The following LAMA2 variants were observed in gnomAD, a reference collection of about 807,000 sequenced individuals.
The protein encoded by LAMA2 is laminin subunit alpha-2.
LAMA2 carries 269 observed loss-of-function variants against 364.8 expected under a neutral mutation model. That is an observed-to-expected ratio of 0.74 (90% CI 0.67 to 0.82). The LOEUF is 0.82. Among genes scored for constraint, LAMA2 ranks in the 40% least tolerant of loss-of-function variants. The pLI, the probability that LAMA2 is intolerant of heterozygous loss-of-function variation, is 0.00. For synonymous variants in LAMA2, 1,379 were observed against 1,370.6 expected (o/e 1.01, Z -0.14); for missense variants, 3,807 against 3,873.2 (o/e 0.98, Z 0.45).
At chr6:129,178,132 G>T (rs1276327638) in intron 10 of LAMA2, among the ~76,000 whole-genome samples, 1 of 152,146 alleles carries the variant, frequency 6.6e-6, no homozygotes, top group Non-Finnish European at 1.5e-5. Context: ...TGCCCAACTA[G>T]TGTGTTAATT....
At chr6:129,499,311 G>C (rs1402399388) in intron 58 of LAMA2, among the ~76,000 whole-genome samples, 1 of 151,812 alleles carries the variant, frequency 6.6e-6, no homozygotes, top group Non-Finnish European at 1.5e-5. Flanking sequence ...TGAGAGATTA[G>C]TGCGTCCAAA....
At chr6:128,920,508 T>G (rs1778631920) in intron 1 of LAMA2, among the ~76,000 whole-genome samples, 3 of 152,114 alleles carry the variant, frequency 2.0e-5, no homozygotes, top group Non-Finnish European at 4.4e-5. Context: ...ACCTCTAGAC[T>G]AGTTTGAATT....
intron 40 of LAMA2, among the ~76,000 whole-genome samples, chr6:129,410,030 T>C (rs1383062977): frequency 6.6e-6 from 1 of 152,174 alleles, no homozygotes; most frequent in Non-Finnish European, 1.5e-5. Flanking sequence ...CACGAGGATA[T>C]GAGGCCCTCC....
At chr6:129,337,008 C>G (rs991437712) in intron 29 of LAMA2, among the ~76,000 whole-genome samples, 1 of 152,164 alleles carries the variant, frequency 6.6e-6, no homozygotes, top group African/African-American at 2.4e-5. Context: ...AAGATTTGAA[C>G]TCAGGTAAGC....
chr6:129,126,623 A>T (rs1250317395), intron 4 of LAMA2, among the ~76,000 whole-genome samples: 1 of 152,232 alleles, frequency 6.6e-6, no homozygotes, highest in African/African-American at 2.4e-5. Flanking sequence ...GAAAGCCAGA[A>T]TCAAAACCCA....
At chr6:129,444,703 G>T (rs1338816052) in intron 44 of LAMA2, among the ~76,000 whole-genome samples, 1 of 152,188 alleles carries the variant, frequency 6.6e-6, no homozygotes, top group Non-Finnish European at 1.5e-5. Context: ...CTGAGGGTTA[G>T]TTCTCAGTGG....
At chr6:129,018,305 T>C (rs1352702318) in intron 1 of LAMA2, among the ~76,000 whole-genome samples, 1 of 151,868 alleles carries the variant, frequency 6.6e-6, no homozygotes, top group Admixed American at 6.6e-5. Flanking sequence ...GTAGTAACTT[T>C]AAGGTGGTAG....
At chr6:129,304,559 G>A (rs1009982913) in intron 22 of LAMA2, among the ~76,000 whole-genome samples, 7 of 152,274 alleles carry the variant, frequency 4.6e-5, no homozygotes, top group African/African-American at 7.2e-5. Flanking sequence ...CACCGTGCCC[G>A]GCCAATTGTG....
At chr6:129,253,552 G>A (rs1246587741) in intron 14 of LAMA2, among the ~76,000 whole-genome samples, 2 of 152,184 alleles carry the variant, frequency 1.3e-5, no homozygotes, top group East Asian at 3.8e-4. Flanking sequence ...AAAATGCCAT[G>A]GAGATGAGAA....
At chr6:128,940,253 C>T (rs1265224399) in intron 1 of LAMA2, among the ~76,000 whole-genome samples, 1 of 152,120 alleles carries the variant, frequency 6.6e-6, no homozygotes, top group Non-Finnish European at 1.5e-5. Flanking sequence ...AGGGGAATCT[C>T]ATCAGACTGT....
At chr6:129,262,829 A>G (rs1370205768) in intron 15 of LAMA2, among the ~76,000 whole-genome samples, 2 of 152,170 alleles carry the variant, frequency 1.3e-5, no homozygotes, top group Non-Finnish European at 2.9e-5. Flanking sequence ...GCCAAAGACC[A>G]TTAATGTCTT....
intron 3 of LAMA2, among the ~76,000 whole-genome samples, chr6:129,088,480 C>G (rs1336886286): frequency 1.4e-5 from 2 of 143,286 alleles, no homozygotes; most frequent in Non-Finnish European, 3.1e-5. Flanking sequence ...CCGGTAGAGG[C>G]GCCCCCCACC....
At chr6:129,509,644 A>G (rs1786410367) in intron 62 of LAMA2, among the ~76,000 whole-genome samples, 1 of 152,052 alleles carries the variant, frequency 6.6e-6, no homozygotes, top group South Asian at 2.1e-4. Flanking sequence ...TAGAACCTTT[A>G]TGGAAAATGA....
At position 129,349,436 on chromosome 6, in the gene LAMA2, T is replaced by C. The variant is rs111346028; in HGVS notation, c.4523+52T>C. 7.5e-6 allele frequency: 10 copies of C among 1,326,328 alleles called. No individual in the cohort carries two copies. The African/African-American group carries it at 8.6e-5, about 11-fold the overall frequency. 82.2% of individuals were successfully genotyped at this position (1,326,328 alleles called of 1,614,324 possible). ...GTAATGATATGTAGGGACTATATGG[T>C]AAAGGGTCACAATAGGAAAACATTC... is the stretch of plus-strand genomic sequence containing the variant. On this transcript the variant is annotated intron_variant, in intron 31 of 64. Coordinates refer to ENST00000421865, the MANE Select transcript of LAMA2 (RefSeq NM_000426.4).
intron 12 of LAMA2, among the ~76,000 whole-genome samples, chr6:129,247,135 A>G (rs1785805295): frequency 6.6e-6 from 1 of 152,172 alleles, no homozygotes. Context: ...GCAGAGTGAT[A>G]TCTTAAGCAA....
At chr6:129,049,737 T>G (rs1434530347) in intron 1 of LAMA2, among the ~76,000 whole-genome samples, 181 bp from the exon 2 acceptor site, 2 of 152,182 alleles carry the variant, frequency 1.3e-5, no homozygotes, top group African/African-American at 4.8e-5. Context: ...AAAAATAGTA[T>G]TCTTTTGATA....
In LAMA2 at chr6:128,896,402, T is replaced by C. The variant is rs865805923; in HGVS notation, c.112+13045T>C. On this transcript the variant is annotated intron_variant, in intron 1 of 64. Transcript: ENST00000421865. The stretch of plus-strand genomic sequence containing the variant: ...CCTGCTGAATAACATGTCCTCACCC[T>C]CCTTCCATTTTTTTTTTTTTCTGCC... Among the ~76,000 whole-genome samples, 4 of 151,502 alleles carry C rather than the reference T, an allele frequency of 2.6e-5. No homozygotes were observed. In the South Asian group the frequency reaches 6.2e-4, roughly 24 times the overall value.
At chr6:129,225,027 T>C (rs990382436) in intron 12 of LAMA2, among the ~76,000 whole-genome samples, 28 of 152,340 alleles carry the variant, frequency 1.8e-4, no homozygotes, top group African/African-American at 6.7e-4. Flanking sequence ...TATTGGTCTA[T>C]TCAGAGATTC....
At chr6:129,047,705 T>C (rs9372917) in intron 1 of LAMA2, among the ~76,000 whole-genome samples, 144,988 of 152,292 alleles carry the variant, frequency 0.95, 69,101 homozygotes, top group East Asian at 0.98. Flanking sequence ...GTGATTACAA[T>C]AAAGATTTAA....
Sources: gnomAD v4.1 joint callset for allele counts (sites outside exome capture counted in the v4.1 genomes callset) on GRCh38, gnomAD v4.1.1 for gene constraint, MANE v1.5 for transcripts, NCBI Gene and HGNC (gene_info 2026-07-23, HGNC 2026-07-21) for gene names.